CDC73: variants seen among roughly 807,000 people sequenced by gnomAD.
CDC73 encodes parafibromin.
Under a neutral mutation model 83.7 loss-of-function variants are expected in CDC73, and 21 were observed. The ratio of observed to expected loss-of-function variants is 0.25; its 90% CI spans 0.18 to 0.36. The LOEUF is 0.36. Ranked by LOEUF, CDC73 falls within the 10% of genes least tolerant of loss-of-function variation. CDC73 has a pLI of 1.00. For synonymous variants in CDC73, 224 were observed against 212.9 expected (o/e 1.05, Z -0.45); for missense variants, 342 against 653.3 (o/e 0.52, Z 5.19).
intron 10 of CDC73, among the ~76,000 whole-genome samples, chr1:193,189,063 C>CG (rs1437471262): frequency 6.6e-6 from 1 of 151,584 alleles, no homozygotes; most frequent in Non-Finnish European, 1.5e-5. Context: ...AAGAGATTCT[C>CG]GTGCTTCAGC....
intron 10 of CDC73, among the ~76,000 whole-genome samples, chr1:193,181,873 G>A (rs1232897199): frequency 6.6e-6 from 1 of 152,074 alleles, no homozygotes; most frequent in Non-Finnish European, 1.5e-5. Context: ...TACCTTTGTA[G>A]CACAGTGAGC....
At chr1:193,137,836 TAATCA>T (rs1675827198) in intron 5 of CDC73, among the ~76,000 whole-genome samples, 2 of 152,336 alleles carry the variant, frequency 1.3e-5, no homozygotes, top group South Asian at 4.1e-4. Context: ...GAAGAGCACT[TAATCA>T]TAAAGAAAAA....
intron 13 of CDC73, among the ~76,000 whole-genome samples, chr1:193,228,133 A>G (rs376173866): frequency 1.5e-4 from 23 of 152,190 alleles, no homozygotes; most frequent in African/African-American, 5.6e-4. Flanking sequence ...ATTCCAATAT[A>G]TACAGTTATT....
intron 5 of CDC73, 69 bp downstream of exon 5, chr1:193,135,658 G>A: frequency 8.0e-7 from 1 of 1,256,810 alleles, no homozygotes; most frequent in Admixed American, 2.0e-5. Context: ...TAGTAACAAG[G>A]ATTCTTTGAT....
intron 11 of CDC73, 45 bp from the exon 12 acceptor site, chr1:193,212,020 A>G: frequency 1.4e-6 from 2 of 1,443,596 alleles, no homozygotes; most frequent in South Asian, 1.2e-5. Flanking sequence ...AAATAAGAAT[A>G]TGGTTTTTAT....
intron 10 of CDC73, among the ~76,000 whole-genome samples, chr1:193,177,488 CCACTGCACTCCAG>C (rs1156713730): frequency 6.7e-6 from 1 of 149,560 alleles, no homozygotes; most frequent in Non-Finnish European, 1.5e-5. Flanking sequence ...CGAGATCGGG[CCACTGCACTCCAG>C]CCTGGGCGAC....
rs1327944866 is a variant in CDC73, at chr1:193,125,205, C to A, written c.225C>A (p.Val75=). Residue 75 remains valine (V), a synonymous_variant, in exon 2 of 17, where the codon GTC becomes GTA. Transcript: ENST00000367435. ...NNVHLSHPVY[V]RRAATENIPV... ...TGCACCTTTCTCATCCTGTTTATGT[C>A]CGACGTGCAGCTGTAAGTAGAATTC... 5.1e-6 allele frequency: 8 copies of A among 1,559,052 alleles called. No individual in the cohort carries two copies. Among genetic ancestry groups the A allele is most frequent in the Non-Finnish European group, 7.1e-6 (8 of 1,129,796 alleles).
chr1:193,134,763 T>A (rs777313752), intron 3 of CDC73, among the ~76,000 whole-genome samples: 23 of 152,118 alleles, frequency 1.5e-4, no homozygotes, highest in Non-Finnish European at 1.6e-4. Context: ...CAGAACAGTA[T>A]GTTTAGTATG....
chr1:193,148,637 T>TA (rs1460948193), intron 8 of CDC73, among the ~76,000 whole-genome samples: 1 of 146,430 alleles, frequency 6.8e-6, no homozygotes. Context: ...AGAAAATTTA[T>TA]AATTTTTTTT....
chr1:193,252,298 GCTTT>G lies in CDC73; in HGVS notation c.*1590_*1593del, dbSNP rs1296385854. 2 of 229,964 alleles carry G rather than the reference GCTTT, an allele frequency of 8.7e-6. No individual in the cohort carries two copies. Among genetic ancestry groups the G allele is most frequent in the African/African-American group, 4.4e-5 (2 of 45,140 alleles). The allele number at this position is 229,964 out of a possible 1,614,324, so 14.2% of individuals were successfully genotyped here. On this transcript the variant is annotated 3_prime_UTR_variant, in exon 17 of 17. Transcript: ENST00000367435. ...GAAAACTCAAATTTGTTTACATTAG[GCTTT>G]CTTAGCATATAAATATATTTCCAAA... is the stretch of plus-strand genomic sequence containing the variant.
intron 6 of CDC73, among the ~76,000 whole-genome samples, chr1:193,139,734 A>T (rs544519931): frequency 6.6e-6 from 1 of 152,234 alleles, no homozygotes; most frequent in African/African-American, 2.4e-5. Flanking sequence ...CCTTGGAAAC[A>T]GTTTGTTACT....
chr1:193,138,416 C>T (rs922920457), intron 6 of CDC73, among the ~76,000 whole-genome samples: 2 of 152,144 alleles, frequency 1.3e-5, no homozygotes, highest in African/African-American at 2.4e-5. Flanking sequence ...GCGTTATAAG[C>T]TGAGAAATTC....
intron 13 of CDC73, among the ~76,000 whole-genome samples, chr1:193,231,406 A>G (rs749649811): frequency 6.6e-6 from 1 of 152,198 alleles, no homozygotes; most frequent in Non-Finnish European, 1.5e-5. Context: ...TTGTACAACT[A>G]TGTATATTAT....
chr1:193,141,023 G>T (rs937085596), intron 6 of CDC73: 2 of 152,208 alleles, frequency 1.3e-5, no homozygotes, highest in African/African-American at 4.8e-5. Context: ...TTAGAATACT[G>T]TATAATACTA....
At chr1:193,163,865 G>A (rs1214179807) in intron 10 of CDC73, among the ~76,000 whole-genome samples, 2 of 152,062 alleles carry the variant, frequency 1.3e-5, no homozygotes, top group African/African-American at 2.4e-5. Flanking sequence ...TGCAACCTCC[G>A]CTTCCCAGGT....
intron 10 of CDC73, among the ~76,000 whole-genome samples, chr1:193,177,965 A>T (rs1195524465): frequency 6.6e-6 from 1 of 152,164 alleles, no homozygotes; most frequent in Non-Finnish European, 1.5e-5. Flanking sequence ...TTGAACATAA[A>T]GATTAGTTAT....
chr1:193,144,417 T>C (rs894762722), intron 7 of CDC73, among the ~76,000 whole-genome samples: 5 of 151,968 alleles, frequency 3.3e-5, no homozygotes, highest in Non-Finnish European at 7.4e-5. Flanking sequence ...ATTTTTAAAG[T>C]AGTGAGATTT....
intron 10 of CDC73, among the ~76,000 whole-genome samples, chr1:193,192,340 G>A (rs947270702): frequency 1.3e-5 from 2 of 152,204 alleles, no homozygotes; most frequent in African/African-American, 4.8e-5. Context: ...CTACCTGGGA[G>A]GCTGAGGCAC....
At chr1:193,210,024 C>G (rs1351049434) in intron 11 of CDC73, among the ~76,000 whole-genome samples, 1 of 152,138 alleles carries the variant, frequency 6.6e-6, no homozygotes, top group Non-Finnish European at 1.5e-5. Flanking sequence ...TTATATTCCA[C>G]ATGACACTAT....
Sources: allele counts gnomAD v4.1 joint callset (sites outside exome capture counted in the v4.1 genomes callset), GRCh38; gene constraint gnomAD v4.1.1; transcripts MANE v1.5; gene names NCBI Gene and HGNC (gene_info 2026-07-23, HGNC 2026-07-21).